Variants in CSMD1 observed in about 807,000 individuals in gnomAD.
CSMD1 encodes the protein CUB and sushi domain-containing protein 1.
In CSMD1, 213 loss-of-function variants were observed where a neutral mutation model predicts 417.5. The ratio of observed to expected loss-of-function variants is 0.51; its 90% CI spans 0.46 to 0.57. The LOEUF is 0.57. Ranked by LOEUF, CSMD1 falls within the 20% of genes least tolerant of loss-of-function variation. The pLI is 0.00. For synonymous variants in CSMD1, 2,862 were observed against 1,736.8 expected, an observed-to-expected ratio of 1.65 and a Z score of -16.11; for missense variants, 6,923 against 4,529.7, an observed-to-expected ratio of 1.53 and a Z score of -15.17.
Position 3,343,299 on chromosome 8 carries a change from T to G in CSMD1, c.3626A>C (p.Tyr1209Ser). The change falls in exon 23 of 70, where the codon TAT (tyrosine) becomes TCT (serine). Residue 1209 changes from tyrosine to serine, a missense_variant. Coordinates refer to ENST00000635120, the MANE Select transcript of CSMD1 (RefSeq NM_033225.6). ...SDTDQGFQLTYTSFDLVKCED... is the reference protein window; with the variant it reads ...SDTDQGFQLTSTSFDLVKCED... ...TTAAGTCGTATGTTACTTACTGGTATAGGTGAGTTGAAAACCTTGGTCGGT... is the reference window on the plus strand; with the variant it reads ...TTAAGTCGTATGTTACTTACTGGTAGAGGTGAGTTGAAAACCTTGGTCGGT... 1 of 1,613,214 alleles carries G rather than the reference T, an allele frequency of 6.2e-7. No homozygotes were observed. The highest frequency in any genetic ancestry group is 8.5e-7 in the Non-Finnish European group (1 of 1,179,212).
In CSMD1 at chr8:3,156,225, G is replaced by C. The variant is rs139653026; in HGVS notation, c.5914+1672C>G. Among the ~76,000 whole-genome samples, 13 of 152,310 alleles carry C rather than the reference G, an allele frequency of 8.5e-5. No homozygotes were observed. The East Asian group carries it at 2.5e-3, about 29-fold the overall frequency. Reference sequence around the variant, plus strand: ...TTGGCAGTATGGCATGTTTGAGGCTGACTGTCTGGACATAAATGGGTTCTG... The same window carrying C: ...TTGGCAGTATGGCATGTTTGAGGCTCACTGTCTGGACATAAATGGGTTCTG... On this transcript the variant is annotated intron_variant, in intron 39 of 69. Coordinates refer to ENST00000635120, the MANE Select transcript of CSMD1 (RefSeq NM_033225.6).
chr8:4,014,188 T>C (rs913300098), intron 4 of CSMD1, among the ~76,000 whole-genome samples: 1 of 152,194 alleles, frequency 6.6e-6, no homozygotes, highest in African/African-American at 2.4e-5. Flanking sequence ...TCATTAAGTT[T>C]GCAAAGCATA....
In CSMD1 at chr8:3,466,125, T is replaced by C. The variant is rs73660038; in HGVS notation, c.1561+2587A>G. Among the ~76,000 whole-genome samples, 1,013 of 152,298 alleles carry C rather than the reference T, an allele frequency of 6.7e-3. 15 individuals are homozygous for C. Among genetic ancestry groups the C allele is most frequent in the African/African-American group, 0.022 (927 of 41,568 alleles). ...TAAGAGCTCGCATTTCTTAAGTTCT[T>C]ACTCCATGTGTTATGAGCCTTACAT... On this transcript the variant is annotated intron_variant, in intron 12 of 69. Coordinates refer to ENST00000635120, the MANE Select transcript of CSMD1 (RefSeq NM_033225.6).
At chr8:4,626,608 A>ACCG (rs1802132307) in intron 2 of CSMD1, among the ~76,000 whole-genome samples, 1 of 152,050 alleles carries the variant, frequency 6.6e-6, no homozygotes, top group African/African-American at 2.4e-5. Flanking sequence ...CAGGGTCAGG[A>ACCG]CCGCAGGGGG....
intron 23 of CSMD1, among the ~76,000 whole-genome samples, chr8:3,330,853 G>A (rs572798792): frequency 6.6e-6 from 1 of 152,282 alleles, no homozygotes; most frequent in African/African-American, 2.4e-5. Context: ...GGATACTATA[G>A]CAAAACTGTT....
intron 10 of CSMD1, among the ~76,000 whole-genome samples, chr8:3,497,154 A>G (rs1249246878): frequency 6.6e-6 from 1 of 152,190 alleles, no homozygotes; most frequent in Non-Finnish European, 1.5e-5. Flanking sequence ...AATGTCCGTT[A>G]GGTCCATTTG....
In CSMD1 at chr8:4,137,558, T is replaced by C. The variant is rs182347069; in HGVS notation, c.416-105459A>G. ...TCCATTTGTATTATGTTTTCTTTGA[T>C]GGTTACAAGATTTGATGTTAATGGA... On this transcript the variant is annotated intron_variant, in intron 3 of 69. Coordinates refer to ENST00000635120, the MANE Select transcript of CSMD1 (RefSeq NM_033225.6). Among the ~76,000 whole-genome samples, 35 of 131,896 alleles carry C rather than the reference T, an allele frequency of 2.7e-4. 11 individuals carry two copies. Among genetic ancestry groups the C allele is most frequent in the Admixed American group, 2.3e-3 (29 of 12,656 alleles). 86.5% of individuals were successfully genotyped at this position (131,896 alleles called of 152,430 possible).
At chr8:3,454,071 C>T (rs1815939355) in intron 12 of CSMD1, among the ~76,000 whole-genome samples, 1 of 152,044 alleles carries the variant, frequency 6.6e-6, no homozygotes, top group South Asian at 2.1e-4. Flanking sequence ...ATGTAATGGC[C>T]TTCTTTGTCT....
chr8:3,020,227 T>C (rs1193265177), intron 51 of CSMD1, among the ~76,000 whole-genome samples: 2 of 152,222 alleles, frequency 1.3e-5, no homozygotes, highest in African/African-American at 4.8e-5. Flanking sequence ...CCCTCGCACA[T>C]AAGCAGGCTT....
chr8:4,495,050 C>G (rs1182594158), intron 2 of CSMD1, among the ~76,000 whole-genome samples: 1 of 152,046 alleles, frequency 6.6e-6, no homozygotes, highest in Non-Finnish European at 1.5e-5. Context: ...GGCAGAAAAG[C>G]ACTAGGGACA....
At chr8:4,055,491 T>C (rs1798644287) in intron 3 of CSMD1, among the ~76,000 whole-genome samples, 1 of 151,886 alleles carries the variant, frequency 6.6e-6, no homozygotes, top group Non-Finnish European at 1.5e-5. Flanking sequence ...ATGTAAAGCA[T>C]TTCATATAAA....
intron 1 of CSMD1, among the ~76,000 whole-genome samples, chr8:4,951,607 G>T (rs117102021): frequency 0.055 from 8,255 of 151,094 alleles, 408 homozygotes; most frequent in East Asian, 0.24. Context: ...AACCTGCGGG[G>T]TTTTTTTAAT....
At chr8:4,824,507 C>G (rs1271639444) in intron 1 of CSMD1, among the ~76,000 whole-genome samples, 2 of 151,798 alleles carry the variant, frequency 1.3e-5, no homozygotes, top group Non-Finnish European at 2.9e-5. Flanking sequence ...CAGAGTAGTC[C>G]CAATTAAAAT....
chr8:4,127,219 C>G (rs536482820), intron 3 of CSMD1, among the ~76,000 whole-genome samples: 17 of 152,160 alleles, frequency 1.1e-4, no homozygotes, highest in Admixed American at 3.3e-4. Flanking sequence ...CCTCCAGGAT[C>G]AAACCCATGG....
At chr8:4,982,585 A>G (rs926492669) in intron 1 of CSMD1, among the ~76,000 whole-genome samples, 1 of 152,194 alleles carries the variant, frequency 6.6e-6, no homozygotes, top group Non-Finnish European at 1.5e-5. Context: ...TTTCTTTCTC[A>G]TAGGTTCTAT....
intron 7 of CSMD1, among the ~76,000 whole-genome samples, chr8:3,641,636 G>T (rs1797312380): frequency 6.6e-6 from 1 of 152,098 alleles, no homozygotes; most frequent in Admixed American, 6.6e-5. Flanking sequence ...GAGAATACCA[G>T]CATTTATAGT....
At chr8:3,274,679 GT>G (rs1360205025) in intron 26 of CSMD1, among the ~76,000 whole-genome samples, 1 of 152,090 alleles carries the variant, frequency 6.6e-6, no homozygotes, top group African/African-American at 2.4e-5. Flanking sequence ...TTACCATTAT[GT>G]AATGGCCTTC....
At chr8:4,808,301 T>G (rs1337110061) in intron 1 of CSMD1, among the ~76,000 whole-genome samples, 1 of 152,164 alleles carries the variant, frequency 6.6e-6, no homozygotes, top group Non-Finnish European at 1.5e-5. Flanking sequence ...ATTATTTGCT[T>G]TAAAGAAAGT....
chr8:4,669,007 A>C (rs972827721), intron 1 of CSMD1, among the ~76,000 whole-genome samples: 2 of 151,952 alleles, frequency 1.3e-5, no homozygotes, highest in African/African-American at 4.8e-5. Context: ...CTTCCTTTTA[A>C]TCTCACTCAT....
Sources: allele counts gnomAD v4.1 joint callset (sites outside exome capture counted in the v4.1 genomes callset), GRCh38; gene constraint gnomAD v4.1.1; transcripts MANE v1.5; gene names NCBI Gene and HGNC (gene_info 2026-07-23, HGNC 2026-07-21).